ADCY6: variants seen among roughly 807,000 people sequenced by gnomAD.
ADCY6 encodes the protein adenylate cyclase type 6.
Under a neutral mutation model 111.6 loss-of-function variants are expected in ADCY6, and 59 were observed. The observed-to-expected ratio is 0.53, with a 90% CI of 0.43 to 0.66. The LOEUF (loss-of-function observed/expected upper bound fraction) is 0.66. Among genes scored for constraint, ADCY6 ranks in the 30% least tolerant of loss-of-function variants. The probability of loss-of-function intolerance (pLI) is 0.00; values close to 1 mark genes in which losing one functional copy is unlikely to be tolerated. For synonymous variants in ADCY6, 576 were observed against 642.9 expected (o/e 0.90, Z 1.57); for missense variants, 1,242 against 1,595.6 (o/e 0.78, Z 3.78).
intron 21 of ADCY6, 21 bp from the exon 22 acceptor site, chr12:48,768,737 C>G (rs780942932): frequency 6.2e-7 from 1 of 1,611,850 alleles, no homozygotes; most frequent in African/African-American, 1.3e-5. Context: ...GGGAGGGGAG[C>G]CCGCTTAGCC....
At position 48,767,967 on chromosome 12, in the gene ADCY6, T is replaced by C. The variant is rs1313393527; in HGVS notation, c.*624A>G. On this transcript the variant is annotated 3_prime_UTR_variant, in exon 22 of 22. Coordinates refer to ENST00000357869, the MANE Select transcript of ADCY6 (RefSeq NM_015270.5). ...TTTGTTCCCCTTTGGGGACAGATCATGGGACTAAGATTTGGCACATGGAAA... is the reference window on the plus strand; with the variant it reads ...TTTGTTCCCCTTTGGGGACAGATCACGGGACTAAGATTTGGCACATGGAAA... The C allele has an allele frequency of 1.3e-5, 2 of 157,102 alleles. No individual in the cohort carries two copies. Among genetic ancestry groups the C allele is most frequent in the Non-Finnish European group, 2.8e-5 (2 of 70,526 alleles). 9.7% of individuals were successfully genotyped at this position (157,102 alleles called of 1,614,324 possible). A position where few individuals can be genotyped will look rare whatever the true frequency, so the allele number is the denominator to read the frequency against.
At position 48,782,312 on chromosome 12, in the gene ADCY6, C is replaced by CCATGGTGACAGAGTTCAGG. The variant is rs1941863471; in HGVS notation, c.864+240_864+258dup. On this transcript the variant is annotated intron_variant, in intron 2 of 21. Transcript: ENST00000357869. The surrounding 1 kb of genome is among the most constrained non-coding windows in gnomAD (Gnocchi z 4.3). ...GGGCTAAAGAGCCGGAGACTGGGGC[C>CCATGGTGACAGAGTTCAGG]CATGGTGACAGAGTTCAGGCTTGGG... Among the ~76,000 whole-genome samples the CCATGGTGACAGAGTTCAGG allele has an allele frequency of 6.6e-6, 1 of 152,112 alleles. No individual in the cohort carries two copies. The highest frequency in any genetic ancestry group is 1.5e-5 in the Non-Finnish European group (1 of 68,020).
rs1941900075 is a variant in ADCY6 at position 48,783,218 on chromosome 12, T to C, written c.217A>G (p.Arg73Gly). ...TCCTTGCCCTTGCCTGGGCCGCCCC[T>C]CCGGATGAAGGCGTCATCCTGCCAG... is the stretch of plus-strand genomic sequence containing the variant. The part of the protein sequence containing the change: ...CPWQDDAFIR[R>G]GGPGKGKELG... The change falls in exon 2 of 22, where the codon AGG (arginine) becomes GGG (glycine). Residue 73 changes from arginine to glycine, a missense_variant. By Grantham distance (125) the Arg-to-Gly change is moderately radical. This residue lies in a region of ADCY6 where 362 missense variants were observed against 377.2 expected (regional missense o/e 0.96). Coordinates refer to ENST00000357869, the MANE Select transcript of ADCY6 (RefSeq NM_015270.5). The C allele has an allele frequency of 1.2e-6, 2 of 1,607,848 alleles. No homozygotes were observed. The highest frequency in any genetic ancestry group is 2.7e-5 in the African/African-American group (2 of 75,006).
At chr12:48,780,013 G>A (rs1390028298) in intron 2 of ADCY6, among the ~76,000 whole-genome samples, 1 of 152,178 alleles carries the variant, frequency 6.6e-6, no homozygotes, top group Non-Finnish European at 1.5e-5. Flanking sequence ...CCCAGCAGCA[G>A]GGGTGAAGAG....
Position 48,774,681 on chromosome 12 carries a change from C to G in ADCY6, c.2166+10G>C, listed in dbSNP as rs758929612. The G allele has an allele frequency of 2.5e-6, 4 of 1,613,626 alleles. No homozygotes were observed. The highest frequency in any genetic ancestry group is 2.5e-6 in the Non-Finnish European group (3 of 1,179,712). ...CCCTCCCCAACAGCCTCAGAAATCC[C>G]CTTACGTACAGAACCACAGGAGTAC... On this transcript the variant is annotated intron_variant, in intron 13 of 21. Coordinates refer to ENST00000357869, the MANE Select transcript of ADCY6 (RefSeq NM_015270.5).
At chr12:48,781,098 C>T (rs1231433525) in intron 2 of ADCY6, among the ~76,000 whole-genome samples, 1 of 150,778 alleles carries the variant, frequency 6.6e-6, no homozygotes, top group Non-Finnish European at 1.5e-5. Flanking sequence ...CTCAGGAGGC[C>T]GAGGCAGGAG....
chr12:48,782,500 G>A lies in ADCY6; in HGVS notation c.864+71C>T, dbSNP rs1941867924. 3 of 1,528,682 alleles carry A rather than the reference G, an allele frequency of 2.0e-6. No individual in the cohort carries two copies. Among genetic ancestry groups the A allele is most frequent in the Non-Finnish European group, 2.6e-6 (3 of 1,136,848 alleles). The allele number at this position is 1,528,682 out of a possible 1,614,324, so 94.7% of individuals were successfully genotyped here. Reference sequence around the variant, plus strand: ...TGACTCACCCGCCCTTCCTCACTAAGCCCCCACCTGCTTATGAGGTGAGAA... The same window carrying A: ...TGACTCACCCGCCCTTCCTCACTAAACCCCCACCTGCTTATGAGGTGAGAA... On this transcript the variant is annotated intron_variant, in intron 2 of 21. Transcript: ENST00000357869. This position sits in a 1 kb window ranked among gnomAD's most constrained non-coding sequence, Gnocchi z 4.3.
intron 2 of ADCY6, among the ~76,000 whole-genome samples, chr12:48,780,110 C>A (rs926425616): frequency 4.6e-5 from 7 of 152,074 alleles, no homozygotes; most frequent in African/African-American, 1.7e-4. Flanking sequence ...AACTTCCCTT[C>A]CTGGCCCCAG....
At position 48,782,562 on chromosome 12, in the gene ADCY6, G is replaced by A. The variant is rs762765183; in HGVS notation, c.864+9C>T. ...GCTGCCCTCCATCCCTACCTCCCTG[G>A]CCACCTACCTGCTTCCAGAGGAAGG... On this transcript the variant is annotated intron_variant, in intron 2 of 21. Coordinates refer to ENST00000357869, the MANE Select transcript of ADCY6 (RefSeq NM_015270.5). The surrounding 1 kb of genome is among the most constrained non-coding windows in gnomAD (Gnocchi z 4.3). 200 of 1,603,458 alleles carry A rather than the reference G, an allele frequency of 1.2e-4. 2 individuals are homozygous for A. The South Asian group carries it at 2.2e-3, about 18-fold the overall frequency.
intron 20 of ADCY6, 60 bp from the exon 21 acceptor site, chr12:48,769,121 T>C: frequency 6.9e-7 from 1 of 1,452,700 alleles, no homozygotes; most frequent in Non-Finnish European, 9.2e-7. Context: ...CAGGGAGTCA[T>C]CCCACCTCCT....
At chr12:48,770,502 G>A (rs1243679879) in intron 20 of ADCY6, among the ~76,000 whole-genome samples, 9 of 152,106 alleles carry the variant, frequency 5.9e-5, no homozygotes, top group Admixed American at 2.6e-4. Flanking sequence ...GTTTGACCTT[G>A]GGCAAGTTAT....
At chr12:48,787,967 C>T (rs1463673782) in intron 1 of ADCY6, among the ~76,000 whole-genome samples, 1 of 152,206 alleles carries the variant, frequency 6.6e-6, no homozygotes, top group African/African-American at 2.4e-5. Flanking sequence ...TCTATCCCAT[C>T]CCCAGGGCCC....
chr12:48,775,734 G>A (rs1292969239), intron 9 of ADCY6, 36 bp from the exon 10 acceptor site: 6 of 1,607,430 alleles, frequency 3.7e-6, no homozygotes, highest in East Asian at 4.5e-5. Flanking sequence ...TGAGGTGAAG[G>A]GCCAACAACC....
rs114953955 is a variant in ADCY6 at position 48,770,743 on chromosome 12, G to A, written c.3256+23C>T. ...CCTGGAAAAAGTCCTGGGAAAACCC[G>A]CCAAGCAACAAAGCCCTCTTACCAA... On this transcript the variant is annotated intron_variant, in intron 20 of 21. Transcript: ENST00000357869. The A allele has an allele frequency of 6.3e-4, 1,012 of 1,607,896 alleles. 4 individuals carry two copies. The African/African-American group carries it at 8.5e-3, about 14-fold the overall frequency.
intron 15 of ADCY6, 81 bp downstream of exon 15, chr12:48,773,859 C>A (rs1325165874): frequency 3.2e-6 from 5 of 1,546,086 alleles, no homozygotes; most frequent in Non-Finnish European, 8.8e-7. Context: ...GGGTCCCCAG[C>A]GCCCATCACC....
chr12:48,780,057 A>G (rs982699492), intron 2 of ADCY6, among the ~76,000 whole-genome samples: 3 of 152,020 alleles, frequency 2.0e-5, no homozygotes, highest in Non-Finnish European at 4.4e-5. Context: ...GGTTTCTAAG[A>G]ATAGCCCCCA....
In ADCY6 at chr12:48,777,688, T is replaced by TCA. The variant is rs1164116190; in HGVS notation, c.1061_1062dup (p.Lys355Ter). ...TCTTTTTTTGTGTTGATGTCTTCTT[T>TCA]CATCTCCATGGCAACGTGCTGGGGC... On this transcript the variant is annotated frameshift_variant, in exon 4 of 22. Transcript: ENST00000357869. LOFTEE classifies it high-confidence loss of function. This position sits in a 1 kb window ranked among gnomAD's most constrained non-coding sequence, Gnocchi z 4.9. 6.2e-7 allele frequency: 1 copy of TCA among 1,614,212 alleles called. No individual in the cohort carries two copies.
At chr12:48,781,417 G>A (rs141686125) in intron 2 of ADCY6, among the ~76,000 whole-genome samples, 387 of 152,290 alleles carry the variant, frequency 2.5e-3, no homozygotes, top group African/African-American at 8.7e-3. Flanking sequence ...GGACCCAGGC[G>A]CTGTGCTGAT....
Position 48,782,314 on chromosome 12 carries a change from A to T in ADCY6, c.864+257T>A, listed in dbSNP as rs188290310. 2.0e-5 allele frequency among the ~76,000 whole-genome samples: 3 copies of T among 152,222 alleles called. No homozygotes were observed. The highest frequency in any genetic ancestry group is 1.9e-4 in the East Asian group (1 of 5,164). ...GCTAAAGAGCCGGAGACTGGGGCCC[A>T]TGGTGACAGAGTTCAGGCTTGGGTC... is the stretch of plus-strand genomic sequence containing the variant. On this transcript the variant is annotated intron_variant, in intron 2 of 21. Coordinates refer to ENST00000357869, the MANE Select transcript of ADCY6 (RefSeq NM_015270.5). The surrounding 1 kb of genome is among the most constrained non-coding windows in gnomAD (Gnocchi z 4.3).
Sources: allele counts gnomAD v4.1 joint callset (sites outside exome capture counted in the v4.1 genomes callset), GRCh38; gene constraint gnomAD v4.1.1; regional missense constraint gnomAD v4.1.1; non-coding constraint Gnocchi (gnomAD v3.1); transcripts MANE v1.5; gene names NCBI Gene and HGNC (gene_info 2026-07-23, HGNC 2026-07-21).